Variants in MAML2 observed in about 807,000 individuals in gnomAD.
MAML2 encodes mastermind like transcriptional coactivator 2, also known as mastermind-like protein 2.
Under a neutral mutation model 96.1 loss-of-function variants are expected in MAML2, and 22 were observed. That is an observed-to-expected ratio of 0.23 (90% CI 0.16 to 0.33). The LOEUF is 0.33. Ranked by LOEUF, MAML2 falls within the 10% of genes least tolerant of loss-of-function variation. MAML2 has a pLI of 1.00. For synonymous variants in MAML2, 561 were observed against 521.3 expected (o/e 1.08, Z -1.04); for missense variants, 1,367 against 1,392.4 (o/e 0.98, Z 0.29).
intron 1 of MAML2, among the ~76,000 whole-genome samples, chr11:96,264,172 G>T (rs915839072): frequency 6.6e-6 from 1 of 152,162 alleles, no homozygotes; most frequent in Non-Finnish European, 1.5e-5. Context: ...GGGGAGCCTA[G>T]CCCAATGCAG....
intron 1 of MAML2, among the ~76,000 whole-genome samples, chr11:96,327,749 ATTC>A (rs1369703601): frequency 1.6e-4 from 25 of 151,796 alleles, no homozygotes; most frequent in Non-Finnish European, 2.6e-4. Flanking sequence ...TATTTCTTTG[ATTC>A]TTATTTATCT....
chr11:96,093,100 T>C lies in MAML2; in HGVS notation c.931A>G (p.Asn311Asp). 1 of 1,614,036 alleles carries C rather than the reference T, an allele frequency of 6.2e-7. No homozygotes were observed. The highest frequency in any genetic ancestry group is 8.5e-7 in the Non-Finnish European group (1 of 1,179,896). ...GGCACAGATATGTTGGTCAGTTCAT[T>C]GAACAGTTCCTGCAGCTCAGGATCC... ...LMDPELQELF[N>D]ELTNISVPPM... The change falls in exon 2 of 5, where the codon AAT (asparagine) becomes GAT (aspartate). Residue 311 changes from asparagine to aspartate, a missense_variant. Coordinates refer to ENST00000524717, the MANE Select transcript of MAML2 (RefSeq NM_032427.4).
intron 1 of MAML2, among the ~76,000 whole-genome samples, chr11:96,229,078 A>G (rs896171388): frequency 6.6e-6 from 1 of 152,178 alleles, no homozygotes; most frequent in Non-Finnish European, 1.5e-5. Flanking sequence ...ACAAAGAAAA[A>G]GAAAGTTGTT....
chr11:96,132,320 G>A (rs1376745675), intron 1 of MAML2, among the ~76,000 whole-genome samples: 1 of 152,146 alleles, frequency 6.6e-6, no homozygotes, highest in Admixed American at 6.5e-5. Flanking sequence ...GGCCTGCAAG[G>A]TAGTAAGGAT....
chr11:96,122,285 G>A (rs1329976981), intron 1 of MAML2, among the ~76,000 whole-genome samples: 1 of 151,872 alleles, frequency 6.6e-6, no homozygotes, highest in Non-Finnish European at 1.5e-5. Context: ...CTCTACTAAA[G>A]GGGTGGAAAA....
intron 1 of MAML2, among the ~76,000 whole-genome samples, chr11:96,133,494 T>C (rs149948212): frequency 6.6e-6 from 1 of 152,276 alleles, no homozygotes; most frequent in East Asian, 1.9e-4. Context: ...ACCTGGATTA[T>C]TTTCCCTATG....
intron 2 of MAML2, among the ~76,000 whole-genome samples, chr11:96,008,038 A>T (rs1343974954): frequency 6.9e-6 from 1 of 145,862 alleles, no homozygotes; most frequent in Non-Finnish European, 1.5e-5. Context: ...AAAAAAAAAA[A>T]ATTTTTCAGT....
intron 1 of MAML2, among the ~76,000 whole-genome samples, chr11:96,228,241 C>T (rs1467724029): frequency 6.6e-6 from 1 of 152,200 alleles, no homozygotes; most frequent in Admixed American, 6.5e-5. Context: ...GCCTGGCTAA[C>T]TCCCCATGGC....
chr11:96,169,408 G>A (rs1351399979), intron 1 of MAML2, among the ~76,000 whole-genome samples: 1 of 152,198 alleles, frequency 6.6e-6, no homozygotes, highest in African/African-American at 2.4e-5. Context: ...TCCAAATGCT[G>A]CATTTTCCTG....
In MAML2 at chr11:96,005,119, C is replaced by A. The variant is rs1858157386; in HGVS notation, c.2140-13396G>T. Among the ~76,000 whole-genome samples, 9 of 152,324 alleles carry A rather than the reference C, an allele frequency of 5.9e-5. 1 individual carries two copies. The Middle Eastern group carries it at 0.024, about 403-fold the overall frequency. On this transcript the variant is annotated intron_variant, in intron 2 of 4. Coordinates refer to ENST00000524717, the MANE Select transcript of MAML2 (RefSeq NM_032427.4). ...AGTGCATTGATCTTGGACTTCACAGCCTCCGTAACAGTGAGAAATACATTT... is the reference window on the plus strand; with the variant it reads ...AGTGCATTGATCTTGGACTTCACAGACTCCGTAACAGTGAGAAATACATTT...
intron 1 of MAML2, among the ~76,000 whole-genome samples, chr11:96,143,163 T>C (rs2135868358): frequency 6.6e-6 from 1 of 152,346 alleles, no homozygotes; most frequent in Middle Eastern, 3.4e-3. Flanking sequence ...GTGTGTGTTT[T>C]CTAAAGTTGG....
intron 2 of MAML2, among the ~76,000 whole-genome samples, chr11:96,049,133 A>G (rs1035798216): frequency 2.6e-5 from 4 of 152,222 alleles, no homozygotes; most frequent in Non-Finnish European, 4.4e-5. Flanking sequence ...GTAGATAATG[A>G]GTTGTAATTA....
chr11:96,121,100 A>G (rs1401248165), intron 1 of MAML2, among the ~76,000 whole-genome samples: 1 of 151,896 alleles, frequency 6.6e-6, no homozygotes, highest in Non-Finnish European at 1.5e-5. Context: ...AGTGAAGGAT[A>G]CTTTGGATGC....
intron 1 of MAML2, among the ~76,000 whole-genome samples, chr11:96,256,963 C>T (rs1381267992): frequency 6.6e-6 from 1 of 152,124 alleles, no homozygotes; most frequent in Non-Finnish European, 1.5e-5. Flanking sequence ...AATCTCAGAA[C>T]TAGAAAAATG....
rs1332598040 is a variant in MAML2, at chr11:96,196,752, T to C, written c.514-103235A>G. ...AGGCTAAGCAAAATTATAAATTAAA[T>C]GTATTTTATTCTCTATCTTTTCAGC... On this transcript the variant is annotated intron_variant, in intron 1 of 4. Coordinates refer to ENST00000524717, the MANE Select transcript of MAML2 (RefSeq NM_032427.4). 3.9e-5 allele frequency among the ~76,000 whole-genome samples: 6 copies of C among 152,248 alleles called. No homozygotes were observed. In the South Asian group the frequency reaches 1.0e-3, roughly 26 times the overall value.
At chr11:96,048,616 T>G (rs1858944543) in intron 2 of MAML2, among the ~76,000 whole-genome samples, 1 of 152,232 alleles carries the variant, frequency 6.6e-6, no homozygotes, top group Admixed American at 6.5e-5. Flanking sequence ...TTACCTTCAT[T>G]GGAAGAATAT....
At chr11:96,184,355 A>C (rs952195400) in intron 1 of MAML2, among the ~76,000 whole-genome samples, 1 of 151,848 alleles carries the variant, frequency 6.6e-6, no homozygotes, top group Non-Finnish European at 1.5e-5. Context: ...CAGGAGAATC[A>C]CTTGAACCCA....
intron 1 of MAML2, among the ~76,000 whole-genome samples, chr11:96,191,414 G>A (rs1229966578): frequency 6.7e-6 from 1 of 150,334 alleles, no homozygotes; most frequent in African/African-American, 2.5e-5. Context: ...CAAGTGAGCC[G>A]AGACCACACC....
At chr11:96,269,376 C>T (rs925716203) in intron 1 of MAML2, among the ~76,000 whole-genome samples, 2 of 144,890 alleles carry the variant, frequency 1.4e-5, no homozygotes, top group Non-Finnish European at 3.0e-5. Context: ...TGTTATGTTC[C>T]TGAGAAGGTA....
Sources: gnomAD v4.1 joint callset for allele counts (sites outside exome capture counted in the v4.1 genomes callset) on GRCh38, gnomAD v4.1.1 for gene constraint, MANE v1.5 for transcripts, NCBI Gene and HGNC (gene_info 2026-07-23, HGNC 2026-07-21) for gene names.